Variants in BEND3 observed in about 807,000 individuals in gnomAD.
BEND3 encodes BEN domain containing 3.
Under a neutral mutation model 60.1 loss-of-function variants are expected in BEND3, and 13 were observed. The observed-to-expected ratio is 0.22, with a 90% confidence interval of 0.14 to 0.34. The LOEUF (loss-of-function observed/expected upper bound fraction) is 0.34. BEND3 is among the 10% of genes least tolerant of loss of function. The pLI, the probability that BEND3 is intolerant of heterozygous loss-of-function variation, is 1.00. For synonymous variants in BEND3, 497 were observed against 491.5 expected (o/e 1.01, Z -0.15); for missense variants, 896 against 1,138.1 (o/e 0.79, Z 3.06).
In BEND3 at chr6:107,072,793, G is replaced by C. The variant is rs577184189; in HGVS notation, c.241-1843C>G. Among the ~76,000 whole-genome samples the C allele has an allele frequency of 3.3e-5, 5 of 152,196 alleles. 1 individual carries two copies. In the South Asian group the frequency reaches 1.0e-3, roughly 32 times the overall value. ...TGAGCTCAGAAGTTCCGCCAGCCTGGGGAACATGGCGAAACACTGTCTCTA... is the reference window on the plus strand; with the variant it reads ...TGAGCTCAGAAGTTCCGCCAGCCTGCGGAACATGGCGAAACACTGTCTCTA... On this transcript the variant is annotated intron_variant, in intron 3 of 3. Transcript: ENST00000369042.
chr6:107,082,266 T>C (rs1481341139), intron 3 of BEND3, among the ~76,000 whole-genome samples: 1 of 152,102 alleles, frequency 6.6e-6, no homozygotes, highest in Admixed American at 6.6e-5. Context: ...TCCAGGGGGA[T>C]AATGTACGTA....
At chr6:107,087,342 C>T (rs1046509854) in intron 3 of BEND3, among the ~76,000 whole-genome samples, 9 of 151,692 alleles carry the variant, frequency 5.9e-5, no homozygotes, top group Admixed American at 1.3e-4. Context: ...AAAGAAAAAA[C>T]GACAAGGCGT....
At chr6:107,072,508 G>A (rs548599373) in intron 3 of BEND3, among the ~76,000 whole-genome samples, 1 of 152,314 alleles carries the variant, frequency 6.6e-6, no homozygotes, top group African/African-American at 2.4e-5. Flanking sequence ...CAGTGCATGA[G>A]GTGTTTTTCT....
chr6:107,076,096 C>T (rs545431870), intron 3 of BEND3, among the ~76,000 whole-genome samples: 1 of 152,338 alleles, frequency 6.6e-6, no homozygotes, highest in East Asian at 1.9e-4. Flanking sequence ...GAACACAACA[C>T]AAGCACTGAA....
At position 107,065,333 on chromosome 6, in the gene BEND3, A is replaced by C. The variant is rs1371929319; in HGVS notation, c.*3371T>G. On this transcript the variant is annotated 3_prime_UTR_variant, in exon 4 of 4. Transcript: ENST00000369042. The stretch of plus-strand genomic sequence containing the variant: ...AGGATGCACTCCAATCTATGGTAAA[A>C]TGCAGACATGATGCGAGATTTCATT... 6.6e-6 allele frequency: 1 copy of C among 152,622 alleles called. No homozygotes were observed. The highest frequency in any genetic ancestry group is 1.9e-4 in the East Asian group (1 of 5,198). The allele number at this position is 152,622 out of a possible 1,614,324, so 9.5% of individuals were successfully genotyped here.
At chr6:107,094,988 T>C (rs1775555278) in intron 3 of BEND3, among the ~76,000 whole-genome samples, 1 of 151,764 alleles carries the variant, frequency 6.6e-6, no homozygotes, top group African/African-American at 2.4e-5. Flanking sequence ...GCCTGGATAA[T>C]TTTTTTGTAT....
intron 3 of BEND3, among the ~76,000 whole-genome samples, chr6:107,078,838 T>C (rs1775159075): frequency 6.6e-6 from 1 of 151,468 alleles, no homozygotes; most frequent in African/African-American, 2.4e-5. Flanking sequence ...GAGGGGGCTA[T>C]GGAAGTGCTG....
chr6:107,081,887 G>T (rs1270367004), intron 3 of BEND3, among the ~76,000 whole-genome samples: 2 of 152,134 alleles, frequency 1.3e-5, no homozygotes, highest in Non-Finnish European at 2.9e-5. Flanking sequence ...TGTGTTGAGT[G>T]AAAGGGTGAA....
At chr6:107,108,048 C>T (rs782518900) in intron 1 of BEND3, among the ~76,000 whole-genome samples, 5 of 152,112 alleles carry the variant, frequency 3.3e-5, no homozygotes, top group African/African-American at 4.8e-5. Context: ...AGGACATGTT[C>T]GCAATTTGTT....
Position 107,065,284 on chromosome 6 carries a change from G to C in BEND3, c.*3420C>G, listed in dbSNP as rs180857074. The C allele has an allele frequency of 2.0e-5, 3 of 152,694 alleles. No individual in the cohort carries two copies. In the East Asian group the frequency reaches 5.8e-4, roughly 29 times the overall value. 9.5% of individuals were successfully genotyped at this position (152,694 alleles called of 1,614,324 possible). ...CATACAATTTCCAAAAATGTCCTGG[G>C]TTTTTGTTACATTCAGTTTCCTAAG... is the stretch of plus-strand genomic sequence containing the variant. On this transcript the variant is annotated 3_prime_UTR_variant, in exon 4 of 4. Transcript: ENST00000369042.
In BEND3 at chr6:107,069,260, CG is replaced by C; in HGVS notation, c.1930del (p.Arg644GlyfsTer27). ...EFVGKLDERC[R>X]RRDTEQRRSY... ...GCGCCTTTGCTCCGTGTCCCGGCGC[CG>C]GCAGCGCTCATCCAGTTTGCCCACG... On this transcript the variant is annotated frameshift_variant, in exon 4 of 4. Transcript: ENST00000369042. LOFTEE classifies it high-confidence loss of function. 6.2e-7 allele frequency: 1 copy of C among 1,611,564 alleles called. No individual in the cohort carries two copies. Among genetic ancestry groups the C allele is most frequent in the Non-Finnish European group, 8.5e-7 (1 of 1,179,222 alleles).
rs545373010 is a variant in BEND3, at chr6:107,070,226, G to A, written c.965C>T (p.Ala322Val). 4 of 1,612,964 alleles carry A rather than the reference G, an allele frequency of 2.5e-6. No individual in the cohort carries two copies. The highest frequency in any genetic ancestry group is 2.2e-5 in the South Asian group (2 of 91,076). ...GGGCAGGCACTCGGCCTGCCACACAGCCGTGTCCTTCACCGAGGGGTAGTA... is the reference window on the plus strand; with the variant it reads ...GGGCAGGCACTCGGCCTGCCACACAACCGTGTCCTTCACCGAGGGGTAGTA... The part of the protein sequence containing the change: ...EVYYPSVKDT[A>V]VWQAECLPQL... Residue 322 changes from alanine (A) to valine (V), a missense_variant, in exon 4 of 4, where the codon GCT (alanine) becomes GTT (valine). This residue lies in a region of BEND3 where 846 missense variants were observed against 1,036.7 expected (regional missense o/e 0.82). Transcript: ENST00000369042. This position sits in a 1 kb window ranked among gnomAD's most constrained non-coding sequence, Gnocchi z 6.9.
At chr6:107,085,369 C>A (rs1582653245) in intron 3 of BEND3, among the ~76,000 whole-genome samples, 1 of 152,246 alleles carries the variant, frequency 6.6e-6, no homozygotes, top group Non-Finnish European at 1.5e-5. Context: ...CTACCAGGTT[C>A]TCACAGCGAA....
chr6:107,071,680 T>A (rs1319391863), intron 3 of BEND3, among the ~76,000 whole-genome samples: 1 of 152,234 alleles, frequency 6.6e-6, no homozygotes, highest in Non-Finnish European at 1.5e-5. Flanking sequence ...GTTATATTCA[T>A]ACAATGGAAT....
chr6:107,080,477 C>T (rs984569931), intron 3 of BEND3, among the ~76,000 whole-genome samples: 2 of 150,932 alleles, frequency 1.3e-5, no homozygotes, highest in Non-Finnish European at 2.9e-5. Context: ...TTAGAAGAAA[C>T]AGAAGATTCA....
chr6:107,107,502 G>A (rs782093751), intron 1 of BEND3, among the ~76,000 whole-genome samples: 1 of 150,704 alleles, frequency 6.6e-6, no homozygotes, highest in East Asian at 2.0e-4. Context: ...TCATTCTGTC[G>A]CCCAGGCTGG....
chr6:107,089,482 A>G (rs1554234833), intron 3 of BEND3, among the ~76,000 whole-genome samples: 1 of 150,772 alleles, frequency 6.6e-6, no homozygotes, highest in African/African-American at 2.4e-5. Context: ...GCTACTCGGG[A>G]GTCTGAGGCA....
At chr6:107,113,616 C>T (rs1554238839) in intron 1 of BEND3, among the ~76,000 whole-genome samples, 2 of 152,000 alleles carry the variant, frequency 1.3e-5, no homozygotes, top group Admixed American at 6.6e-5. Context: ...GCACTGAACG[C>T]CTACTAAGTT....
At chr6:107,090,283 A>G (rs1775448157) in intron 3 of BEND3, among the ~76,000 whole-genome samples, 1 of 152,154 alleles carries the variant, frequency 6.6e-6, no homozygotes, top group South Asian at 2.1e-4. Context: ...TTGGAGGTGG[A>G]GGTCGCACTG....
Sources: allele counts gnomAD v4.1 joint callset (sites outside exome capture counted in the v4.1 genomes callset), GRCh38; gene constraint gnomAD v4.1.1; regional missense constraint gnomAD v4.1.1; non-coding constraint Gnocchi (gnomAD v3.1); transcripts MANE v1.5; gene names NCBI Gene and HGNC (gene_info 2026-07-23, HGNC 2026-07-21).